The following ZNF681 variants were observed in gnomAD, a reference collection of about 807,000 sequenced individuals.
ZNF681 encodes hypothetical protein FLJ31526.
In ZNF681, 37 loss-of-function variants were observed where a neutral mutation model predicts 56.0. That is an observed-to-expected ratio of 0.66 (90% confidence interval 0.51 to 0.87). The LOEUF (loss-of-function observed/expected upper bound fraction) is 0.87, where lower values mean the gene tolerates loss of function less well. Ranked by LOEUF, ZNF681 falls within the 40% of genes least tolerant of loss-of-function variation. The pLI is 0.00. For synonymous variants in ZNF681, 225 were observed against 248.6 expected (o/e 0.91, Z 0.89); for missense variants, 741 against 744.9 (o/e 0.99, Z 0.06).
intron 3 of ZNF681, among the ~76,000 whole-genome samples, chr19:23,745,896 A>C (rs543039972): frequency 1.3e-5 from 2 of 152,356 alleles, no homozygotes; most frequent in South Asian, 4.1e-4. Context: ...AGAAAATAAA[A>C]GCCTGTTACA....
In ZNF681 at chr19:23,743,656, T is replaced by C. The variant is rs1248095154; in HGVS notation, c.1894A>G (p.Lys632Glu). ...TAATTTCTTTTATGTTTAGAAAACT[T>C]TGAAGTGTTTTCAAAATCACTGTTA... ...RCNSDFENTS[K>E]FSKHKRNYAG... The change falls in exon 4 of 4, where the codon AAG (lysine) becomes GAG (glutamate). Residue 632 changes from lysine (K) to glutamate (E), a missense_variant. Lys to Glu is a moderately conservative substitution (Grantham distance 56). Coordinates refer to ENST00000402377, the MANE Select transcript of ZNF681 (RefSeq NM_138286.3). The C allele has an allele frequency of 2.6e-6, 4 of 1,552,656 alleles. No homozygotes were observed. The Admixed American group carries it at 6.4e-5, about 25-fold the overall frequency.
At position 23,744,948 on chromosome 19, in the gene ZNF681, T is replaced by C; in HGVS notation, c.602A>G (p.Glu201Gly). 1 of 1,602,892 alleles carries C rather than the reference T, an allele frequency of 6.2e-7. No homozygotes were observed. The highest frequency in any genetic ancestry group is 8.5e-7 in the Non-Finnish European group (1 of 1,176,018). ...ICTRVNFYKC[E>G]DCGKAFNGSS... ...TCCATTAAAGGCTTTTCCACAGTCT[T>C]CACATTTGTAGAAATTTACTCTAGT... The change falls in exon 4 of 4, where the codon GAA becomes GGA. Residue 201 changes from glutamate (E) to glycine (G), a missense_variant. By Grantham distance (98) the Glu-to-Gly change is moderately conservative. Transcript: ENST00000402377.
At chr19:23,749,567 A>G (rs896500346) in intron 3 of ZNF681, among the ~76,000 whole-genome samples, 3 of 151,656 alleles carry the variant, frequency 2.0e-5, no homozygotes, top group Admixed American at 2.0e-4. Flanking sequence ...TCAATCTTTC[A>G]AAGAGCTGGG....
chr19:23,750,298 A>AAC lies in ZNF681; in HGVS notation c.226+4524_226+4525insGT, dbSNP rs1568311316. Among the ~76,000 whole-genome samples the AAC allele has an allele frequency of 5.8e-4, 43 of 74,170 alleles. 1 individual carries two copies. Among genetic ancestry groups the AAC allele is most frequent in the African/African-American group, 2.2e-3 (41 of 18,728 alleles). The allele number at this position is 74,170 out of a possible 152,430, so 48.7% of individuals were successfully genotyped here. A position where few individuals can be genotyped will look rare whatever the true frequency, so the allele number is the denominator to read the frequency against. On this transcript the variant is annotated intron_variant, in intron 3 of 3. Coordinates refer to ENST00000402377, the MANE Select transcript of ZNF681 (RefSeq NM_138286.3). ...GACTCCAACTCAAAAAAAAAAAAAAAAAAAACCAAAAAACAACTAAGAAAG... is the reference window on the plus strand; with the variant it reads ...GACTCCAACTCAAAAAAAAAAAAAAAACAAAAACCAAAAAACAACTAAGAAAG...
At position 23,743,679 on chromosome 19, in the gene ZNF681, T is replaced by C. The variant is rs770633241; in HGVS notation, c.1871A>G (p.Asn624Ser). Residue 624 changes from asparagine to serine, a missense_variant, in exon 4 of 4, where the codon AAC becomes AGC. Asn to Ser is a conservative substitution (Grantham distance 46). Coordinates refer to ENST00000402377, the MANE Select transcript of ZNF681 (RefSeq NM_138286.3). Reference protein sequence around the residue: ...GEKLYKPKRCNSDFENTSKFS... With the variant: ...GEKLYKPKRCSSDFENTSKFS... Reference sequence around the variant, plus strand: ...CTTTGAAGTGTTTTCAAAATCACTGTTACATCTTTTAGGTTTGTAGAGTTT... The same window carrying C: ...CTTTGAAGTGTTTTCAAAATCACTGCTACATCTTTTAGGTTTGTAGAGTTT... The C allele has an allele frequency of 6.3e-7, 1 of 1,593,282 alleles. No individual in the cohort carries two copies.
At position 23,742,573 on chromosome 19, in the gene ZNF681, T is replaced by G. The variant is rs912847649; in HGVS notation, c.*1039A>C. On this transcript the variant is annotated 3_prime_UTR_variant, in exon 4 of 4. Coordinates refer to ENST00000402377, the MANE Select transcript of ZNF681 (RefSeq NM_138286.3). ...TATAACACAGGATATTTATCTGAACTCCTACCTCATGCATCAGTCAATATT... is the reference window on the plus strand; with the variant it reads ...TATAACACAGGATATTTATCTGAACGCCTACCTCATGCATCAGTCAATATT... 2.0e-5 allele frequency: 3 copies of G among 152,016 alleles called. No homozygotes were observed. Among genetic ancestry groups the G allele is most frequent in the Non-Finnish European group, 4.4e-5 (3 of 68,004 alleles). 9.4% of individuals were successfully genotyped at this position (152,016 alleles called of 1,614,324 possible). A position where few individuals can be genotyped will look rare whatever the true frequency, so the allele number is the denominator to read the frequency against.
rs1373107327 is a variant in ZNF681 at position 23,744,227 on chromosome 19, C to G, written c.1323G>C (p.Lys441Asn). Residue 441 changes from lysine (K) to asparagine (N), a missense_variant, in exon 4 of 4, where the codon AAG becomes AAC. By Grantham distance (94) the Lys-to-Asn change is moderately conservative. Coordinates refer to ENST00000402377, the MANE Select transcript of ZNF681 (RefSeq NM_138286.3). ...SNQSSNLTEH[K>N]NIHTEEKPYK... is the part of the protein sequence containing the mutation. ...ATGGTTTCTCTTCAGTATGAATATTCTTATGTTCAGTAAGGTTTGAGGATT... is the reference window on the plus strand; with the variant it reads ...ATGGTTTCTCTTCAGTATGAATATTGTTATGTTCAGTAAGGTTTGAGGATT... 1.2e-6 allele frequency: 2 copies of G among 1,613,398 alleles called. No individual in the cohort carries two copies. The highest frequency in any genetic ancestry group is 1.7e-6 in the Non-Finnish European group (2 of 1,179,788).
At chr19:23,746,717 A>G (rs908878357) in intron 3 of ZNF681, among the ~76,000 whole-genome samples, 1 of 152,240 alleles carries the variant, frequency 6.6e-6, no homozygotes, top group Non-Finnish European at 1.5e-5. Flanking sequence ...TACCATAGAT[A>G]AACTAGGCTT....
chr19:23,743,944 A>G lies in ZNF681; in HGVS notation c.1606T>C (p.Cys536Arg). ...KIHTGEKPYT[C>R]EECGKAFNHS... is the part of the protein sequence containing the mutation. ...TTAAAGGCTTTGCCACATTCTTCAC[A>G]TGTGTAGGGTTTCTCTCCAGTATGA... is the stretch of plus-strand genomic sequence containing the variant. Residue 536 changes from cysteine to arginine, a missense_variant, in exon 4 of 4, where the codon TGT (cysteine) becomes CGT (arginine). Coordinates refer to ENST00000402377, the MANE Select transcript of ZNF681 (RefSeq NM_138286.3). 1.2e-6 allele frequency: 2 copies of G among 1,612,654 alleles called. No homozygotes were observed. Among genetic ancestry groups the G allele is most frequent in the Non-Finnish European group, 1.7e-6 (2 of 1,179,632 alleles).
chr19:23,755,756 C>T (rs900124674), intron 1 of ZNF681, among the ~76,000 whole-genome samples: 1 of 152,076 alleles, frequency 6.6e-6, no homozygotes, highest in Non-Finnish European at 1.5e-5. Context: ...TGTTCTCCAA[C>T]CATGAGAAAA....
In ZNF681 at chr19:23,749,417, A is replaced by G. The variant is rs1251236677; in HGVS notation, c.227-4094T>C. ...ATTTTTAAAAGTCTTTTGTATAACAATGTGAATACACTTAACATGTCTGAA... is the reference window on the plus strand; with the variant it reads ...ATTTTTAAAAGTCTTTTGTATAACAGTGTGAATACACTTAACATGTCTGAA... On this transcript the variant is annotated intron_variant, in intron 3 of 3. Transcript: ENST00000402377. Among the ~76,000 whole-genome samples, 3 of 152,298 alleles carry G rather than the reference A, an allele frequency of 2.0e-5. No homozygotes were observed. The East Asian group carries it at 5.8e-4, about 29-fold the overall frequency.
intron 3 of ZNF681, among the ~76,000 whole-genome samples, chr19:23,751,716 T>G (rs1184064652): frequency 1.3e-5 from 2 of 151,664 alleles, no homozygotes; most frequent in African/African-American, 4.8e-5. Flanking sequence ...GATGGAGTCT[T>G]GCTCTGTCAC....
At chr19:23,754,785 C>T (rs1969088455) in intron 3 of ZNF681, 38 bp downstream of exon 3, 2 of 1,523,528 alleles carry the variant, frequency 1.3e-6, no homozygotes, top group Non-Finnish European at 9.1e-7. Context: ...AACCGCTCAT[C>T]TATGTTATCT....
chr19:23,747,639 C>CAAAAA (rs57974422), intron 3 of ZNF681, among the ~76,000 whole-genome samples: 1 of 96,824 alleles, frequency 1.0e-5, no homozygotes, highest in Non-Finnish European at 2.1e-5. Flanking sequence ...GACTCCGTCT[C>CAAAAA]AAAAAAAAAA....
intron 2 of ZNF681, 116 bp from the exon 3 acceptor site, chr19:23,755,034 A>C: frequency 1.5e-6 from 1 of 683,118 alleles, no homozygotes; most frequent in Non-Finnish European, 2.3e-6. Context: ...ATCCCAAAAT[A>C]CTGATTTATA....
At chr19:23,757,300 C>T (rs1015059567) in intron 1 of ZNF681, among the ~76,000 whole-genome samples, 10 of 152,086 alleles carry the variant, frequency 6.6e-5, no homozygotes, top group African/African-American at 1.2e-4. Context: ...ATTTTTATAA[C>T]ACCCTGGGAG....
chr19:23,751,490 A>AT (rs879898802), intron 3 of ZNF681, among the ~76,000 whole-genome samples: 11 of 150,768 alleles, frequency 7.3e-5, no homozygotes, highest in African/African-American at 2.7e-4. Flanking sequence ...AAAAAAAAAA[A>AT]GAAAACAAAA....
rs772421787 is a variant in ZNF681, at chr19:23,744,036, G to T, written c.1514C>A (p.Ser505Tyr). ...TTTGCCACATTCTTCACATTTGTAG[G>T]ATTTCTCTCCAGTATGAATTCTCTT... is the stretch of plus-strand genomic sequence containing the variant. ...THKRIHTGEK[S>Y]YKCEECGKAF... is the part of the protein sequence containing the mutation. Residue 505 changes from serine to tyrosine, a missense_variant, in exon 4 of 4, where the codon TCC (serine) becomes TAC (tyrosine). Ser to Tyr is a moderately radical substitution (Grantham distance 144, BLOSUM62 -2). Coordinates refer to ENST00000402377, the MANE Select transcript of ZNF681 (RefSeq NM_138286.3). 1 of 1,612,884 alleles carries T rather than the reference G, an allele frequency of 6.2e-7. No individual in the cohort carries two copies. Among genetic ancestry groups the T allele is most frequent in the South Asian group, 1.1e-5 (1 of 91,042 alleles).
In ZNF681 at chr19:23,758,866, C is replaced by T; in HGVS notation, c.-117G>A. The T allele has an allele frequency of 6.9e-7, 1 of 1,445,182 alleles. No homozygotes were observed. The highest frequency in any genetic ancestry group is 9.5e-7 in the Non-Finnish European group (1 of 1,050,042). The allele number at this position is 1,445,182 out of a possible 1,614,324, so 89.5% of individuals were successfully genotyped here. ...GGACACAGAGCAGTGAAGACGAGAC[C>T]CGGAGCTCGGGCTGAAGGGAGAGAC... On this transcript the variant is annotated 5_prime_UTR_variant, in exon 1 of 4. Transcript: ENST00000402377.
Sources: allele counts gnomAD v4.1 joint callset (sites outside exome capture counted in the v4.1 genomes callset), GRCh38; gene constraint gnomAD v4.1.1; transcripts MANE v1.5; gene names NCBI Gene and HGNC (gene_info 2026-07-23, HGNC 2026-07-21).